The following ESRRG variants were observed in gnomAD, a reference collection of about 807,000 sequenced individuals.
ESRRG encodes the protein estrogen-related receptor gamma.
In ESRRG, 13 loss-of-function variants were observed where a neutral mutation model predicts 44.0. The observed-to-expected ratio is 0.30, with a 90% confidence interval of 0.19 to 0.47. ESRRG has a LOEUF of 0.47. Ranked by LOEUF, ESRRG falls within the 20% of genes least tolerant of loss-of-function variation. The pLI is 1.00. For synonymous variants in ESRRG, 215 were observed against 214.6 expected, an observed-to-expected ratio of 1.00 and a Z score of -0.02; for missense variants, 395 against 580.6, an observed-to-expected ratio of 0.68 and a Z score of 3.29.
chr1:216,767,802 C>A (rs557535311), intron 2 of ESRRG, among the ~76,000 whole-genome samples: 1 of 152,120 alleles, frequency 6.6e-6, no homozygotes, highest in Non-Finnish European at 1.5e-5. Context: ...GATGTGGGGA[C>A]AAAATGGGTA....
At chr1:216,942,790 T>C (rs2065462370) in intron 1 of ESRRG, among the ~76,000 whole-genome samples, 1 of 152,208 alleles carries the variant, frequency 6.6e-6, no homozygotes, top group African/African-American at 2.4e-5. Flanking sequence ...GTTGTTCAAG[T>C]TCCTTGTAGT....
intron 1 of ESRRG, among the ~76,000 whole-genome samples, chr1:216,681,483 C>T (rs1167558843): frequency 6.6e-6 from 1 of 152,002 alleles, no homozygotes; most frequent in Non-Finnish European, 1.5e-5. Context: ...GTGATGTTCC[C>T]CTTCCTGCAT....
At chr1:217,013,892 T>C (rs143781711) in intron 1 of ESRRG, among the ~76,000 whole-genome samples, 57 of 152,248 alleles carry the variant, frequency 3.7e-4, no homozygotes, top group Middle Eastern at 3.4e-3. Context: ...AGGGTAAATA[T>C]GATTTGATGA....
chr1:216,871,891 C>T (rs1241966461), intron 2 of ESRRG, among the ~76,000 whole-genome samples: 1 of 152,068 alleles, frequency 6.6e-6, no homozygotes, highest in Non-Finnish European at 1.5e-5. Flanking sequence ...CCAATACTTA[C>T]TATTTCTTTT....
At chr1:216,748,799 T>A (rs1275930499) in intron 2 of ESRRG, among the ~76,000 whole-genome samples, 2 of 152,120 alleles carry the variant, frequency 1.3e-5, no homozygotes, top group African/African-American at 4.8e-5. Context: ...CAAGTTCACA[T>A]CTGAGTGCAG....
In ESRRG at chr1:216,735,987, A is replaced by AAAAAAAAT. The variant is rs1453476198; in HGVS notation, c.-13-58497_-13-58496insATTTTTTT. ...AGCAATACTCCCCATCTCAAAAAAA[A>AAAAAAAAT]ATATATATATATATATATATACACA... On this transcript the variant is annotated intron_variant, in intron 2 of 7. Coordinates refer to the ESRRG transcript ENST00000359162. 3.6e-3 allele frequency among the ~76,000 whole-genome samples: 498 copies of AAAAAAAAT among 137,074 alleles called. 7 individuals carry two copies. The highest frequency in any genetic ancestry group is 0.021 in the South Asian group (93 of 4,396). 89.9% of individuals were successfully genotyped at this position (137,074 alleles called of 152,430 possible).
intron 2 of ESRRG, among the ~76,000 whole-genome samples, chr1:216,785,127 C>T (rs935748562): frequency 6.6e-6 from 1 of 151,982 alleles, no homozygotes; most frequent in Non-Finnish European, 1.5e-5. Flanking sequence ...AATCAAATTT[C>T]TTTAGAATTT....
intron 1 of ESRRG, among the ~76,000 whole-genome samples, chr1:216,962,837 A>G (rs974180527): frequency 1.3e-5 from 2 of 152,194 alleles, no homozygotes; most frequent in African/African-American, 4.8e-5. Flanking sequence ...GGTGTAGAAA[A>G]TAGCAACTGA....
At chr1:216,722,571 TAA>T (rs1262957516) in intron 1 of ESRRG, among the ~76,000 whole-genome samples, 1 of 152,178 alleles carries the variant, frequency 6.6e-6, no homozygotes, top group African/African-American at 2.4e-5. Flanking sequence ...GGGAAAATTT[TAA>T]AGTCACTACT....
At chr1:216,840,135 A>G (rs1276058540) in intron 2 of ESRRG, among the ~76,000 whole-genome samples, 1 of 152,180 alleles carries the variant, frequency 6.6e-6, no homozygotes, top group Admixed American at 6.5e-5. Flanking sequence ...AGGCTGTTTC[A>G]TCTACACTGA....
At chr1:216,807,714 A>AT (rs1291860861) in intron 2 of ESRRG, among the ~76,000 whole-genome samples, 4 of 121,576 alleles carry the variant, frequency 3.3e-5, no homozygotes, top group Non-Finnish European at 7.7e-5. Flanking sequence ...CCCTTTGCCA[A>AT]TAAAAAAAAA....
intron 3 of ESRRG, among the ~76,000 whole-genome samples, chr1:216,619,259 T>C (rs1187098238): frequency 6.6e-6 from 1 of 152,186 alleles, no homozygotes; most frequent in Non-Finnish European, 1.5e-5. Context: ...TAATGATTCC[T>C]ATAATCAGAA....
At chr1:216,665,096 A>G (rs1279307491) in intron 2 of ESRRG, among the ~76,000 whole-genome samples, 1 of 152,188 alleles carries the variant, frequency 6.6e-6, no homozygotes, top group Non-Finnish European at 1.5e-5. Context: ...GGTACAGTAC[A>G]GTAAAATATT....
At chr1:217,100,603 G>A (rs1289195673) in intron 1 of ESRRG, among the ~76,000 whole-genome samples, 1 of 152,166 alleles carries the variant, frequency 6.6e-6, no homozygotes, top group Non-Finnish European at 1.5e-5. Context: ...GTTTAATTTT[G>A]GCTCACATTT....
intron 1 of ESRRG, among the ~76,000 whole-genome samples, chr1:216,996,370 GA>G (rs2076380937): frequency 6.6e-6 from 1 of 152,022 alleles, no homozygotes; most frequent in Admixed American, 6.6e-5. Context: ...GGGAAAAATG[GA>G]TAGGGTAAGG....
chr1:216,851,177 A>G (rs2095837429), intron 2 of ESRRG, among the ~76,000 whole-genome samples: 1 of 151,830 alleles, frequency 6.6e-6, no homozygotes, highest in Non-Finnish European at 1.5e-5. Context: ...TTAAAGATCT[A>G]TGACTAATTA....
At chr1:217,044,862 G>A (rs2084561381) in intron 1 of ESRRG, among the ~76,000 whole-genome samples, 1 of 152,068 alleles carries the variant, frequency 6.6e-6, no homozygotes. Context: ...TACCTTCTAT[G>A]CTTGTGCACT....
chr1:216,684,422 A>G (rs904366828), intron 1 of ESRRG, among the ~76,000 whole-genome samples: 1 of 152,192 alleles, frequency 6.6e-6, no homozygotes, highest in Non-Finnish European at 1.5e-5. Flanking sequence ...ACCTATTTCA[A>G]TCTGGGGGTG....
At chr1:216,745,089 C>A (rs2091234292) in intron 2 of ESRRG, among the ~76,000 whole-genome samples, 1 of 152,114 alleles carries the variant, frequency 6.6e-6, no homozygotes, top group Non-Finnish European at 1.5e-5. Context: ...CTATTAAAGA[C>A]AATACTCCCT....
Sources: gnomAD v4.1 joint callset for allele counts (sites outside exome capture counted in the v4.1 genomes callset) on GRCh38, gnomAD v4.1.1 for gene constraint, MANE v1.5 for transcripts, NCBI Gene and HGNC (gene_info 2026-07-23, HGNC 2026-07-21) for gene names.